RIPK4: variants seen among roughly 807,000 people sequenced by gnomAD.
The protein encoded by RIPK4 is receptor interacting serine/threonine kinase 4, also known as receptor-interacting serine/threonine-protein kinase 4.
In RIPK4, 17 loss-of-function variants were observed where a neutral mutation model predicts 42.9. The ratio of observed to expected loss-of-function variants is 0.40; its 90% CI spans 0.27 to 0.59. The LOEUF is 0.59. Among genes scored for constraint, RIPK4 ranks in the 20% least tolerant of loss-of-function variants. The pLI, the probability that RIPK4 is intolerant of heterozygous loss-of-function variation, is 0.47. For synonymous variants in RIPK4, 498 were observed against 499.1 expected (o/e 1.00, Z 0.03); for missense variants, 897 against 1,104.4 (o/e 0.81, Z 2.66).
At position 41,740,051 on chromosome 21, in the gene RIPK4, A is replaced by C. The variant is rs897936730; in HGVS notation, c.*787T>G. On this transcript the variant is annotated 3_prime_UTR_variant, in exon 8 of 8. Transcript: ENST00000332512. The stretch of plus-strand genomic sequence containing the variant: ...GAGGTTACAAAGGGAGAATTTTTTA[A>C]TGACTTAGGCCTGTGGCTCTAGAGT... 4.9e-5 allele frequency: 6 copies of C among 123,286 alleles called. No homozygotes were observed. Among genetic ancestry groups the C allele is most frequent in the African/African-American group, 1.6e-4 (6 of 37,606 alleles). The allele number at this position is 123,286 out of a possible 1,614,324, so 7.6% of individuals were successfully genotyped here. A position where few individuals can be genotyped will look rare whatever the true frequency, so the allele number is the denominator to read the frequency against.
rs370433302 is a variant in RIPK4 at position 41,741,581 on chromosome 21, G to C, written c.1612C>G (p.Arg538Gly). 36 of 1,611,710 alleles carry C rather than the reference G, an allele frequency of 2.2e-5. No individual in the cohort carries two copies. Among genetic ancestry groups the C allele is most frequent in the Non-Finnish European group, 3.1e-5 (36 of 1,180,028 alleles). Residue 538 changes from arginine to glycine, a missense_variant, in exon 8 of 8, where the codon CGG becomes GGG. Transcript: ENST00000332512. ...TGGCAGGCCACGTGCATGGGCGTCC[G>C]GCCCTCAAAGTCCACCTCGTTGACC... Reference protein sequence around the residue: ...ASVNEVDFEGRTPMHVACQHG... With the variant: ...ASVNEVDFEGGTPMHVACQHG...
intron 5 of RIPK4, 104 bp downstream of exon 5, chr21:41,746,509 C>T (rs1271171148): frequency 5.1e-5 from 71 of 1,379,974 alleles, no homozygotes; most frequent in East Asian, 4.9e-4. Context: ...ACCTGTTACA[C>T]GCCTTGTTTC....
At chr21:41,754,800 C>T (rs1335862714) in intron 2 of RIPK4, among the ~76,000 whole-genome samples, 2 of 152,112 alleles carry the variant, frequency 1.3e-5, no homozygotes, top group African/African-American at 2.4e-5. Context: ...GTGACTGCTA[C>T]GTGCAGTGGT....
At chr21:41,744,558 C>T (rs910994237) in intron 6 of RIPK4, among the ~76,000 whole-genome samples, 3 of 152,256 alleles carry the variant, frequency 2.0e-5, no homozygotes, top group Admixed American at 6.5e-5. Flanking sequence ...AATCCAGCCT[C>T]ATGCAGCTCT....
intron 1 of RIPK4, among the ~76,000 whole-genome samples, chr21:41,763,646 G>C (rs1438707265): frequency 1.3e-5 from 2 of 152,212 alleles, no homozygotes; most frequent in African/African-American, 2.4e-5. Context: ...CTCTCAGCGA[G>C]GCCTTCTGCA....
intron 4 of RIPK4, among the ~76,000 whole-genome samples, chr21:41,748,166 G>A (rs994142270): frequency 1.4e-4 from 21 of 152,326 alleles, no homozygotes; most frequent in African/African-American, 4.3e-4. Flanking sequence ...CTGGCAGGAC[G>A]CGTTCTGTGC....
intron 3 of RIPK4, among the ~76,000 whole-genome samples, chr21:41,750,172 G>C (rs943936777): frequency 6.6e-6 from 1 of 152,216 alleles, no homozygotes; most frequent in Non-Finnish European, 1.5e-5. Context: ...TGTCAAACCA[G>C]TCAGCCTGGG....
intron 3 of RIPK4, among the ~76,000 whole-genome samples, chr21:41,750,595 C>T (rs146266481): frequency 9.1e-4 from 138 of 152,288 alleles, no homozygotes; most frequent in African/African-American, 3.2e-3. Context: ...TGGGAACACC[C>T]TTCCTCCTTG....
chr21:41,740,505 G>T lies in RIPK4; in HGVS notation c.*333C>A, dbSNP rs1262823347. The T allele has an allele frequency of 1.9e-5, 6 of 313,624 alleles. No homozygotes were observed. In the East Asian group the frequency reaches 3.6e-4, roughly 19 times the overall value. The allele number at this position is 313,624 out of a possible 1,614,324, so 19.4% of individuals were successfully genotyped here. ...CAACCCAAGGTGGCTCGCCTCAGGA[G>T]AGAGTGGATGCTTCCACGCCTGGGG... On this transcript the variant is annotated 3_prime_UTR_variant, in exon 8 of 8. Transcript: ENST00000332512.
Position 41,742,104 on chromosome 21 carries a change from C to T in RIPK4, c.1196-107G>A. ...TCAGGTGGAGGAGTGCCATGGCCTC[C>T]AGGCTGCTCGCTGGTCACCCGACTG... is the stretch of plus-strand genomic sequence containing the variant. On this transcript the variant is annotated intron_variant, in intron 7 of 7. Transcript: ENST00000332512. This position sits in a 1 kb window ranked among gnomAD's most constrained non-coding sequence, Gnocchi z 5.1. 1 of 994,040 alleles carries T rather than the reference C, an allele frequency of 1.0e-6. No homozygotes were observed. The highest frequency in any genetic ancestry group is 1.5e-6 in the Non-Finnish European group (1 of 670,118). 61.6% of individuals were successfully genotyped at this position (994,040 alleles called of 1,614,324 possible).
At position 41,739,855 on chromosome 21, in the gene RIPK4, C is replaced by T. The variant is rs3171532; in HGVS notation, c.*983G>A. ...TAACAAAAATGAGAGCTGGGAAGGG[C>T]GCAGGTGAGCAGTGCATCTACCTAG... On this transcript the variant is annotated 3_prime_UTR_variant, in exon 8 of 8. Transcript: ENST00000332512. 0.37 allele frequency: 56,595 copies of T among 152,162 alleles called. 11,107 individuals are homozygous for T. Among genetic ancestry groups the T allele is most frequent in the East Asian group, 0.61 (3,159 of 5,166 alleles). The allele number at this position is 152,162 out of a possible 1,614,324, so 9.4% of individuals were successfully genotyped here. A position where few individuals can be genotyped will look rare whatever the true frequency, so the allele number is the denominator to read the frequency against.
intron 1 of RIPK4, among the ~76,000 whole-genome samples, chr21:41,766,430 C>G (rs1206419887): frequency 6.6e-6 from 1 of 152,252 alleles, no homozygotes; most frequent in Non-Finnish European, 1.5e-5. Flanking sequence ...GCGCAGACCG[C>G]AGCGCCCCGG....
chr21:41,741,275 G>A lies in RIPK4; in HGVS notation c.1918C>T (p.Pro640Ser). Residue 640 changes from proline to serine, a missense_variant, in exon 8 of 8, where the codon CCC becomes TCC. Coordinates refer to ENST00000332512, the MANE Select transcript of RIPK4 (RefSeq NM_020639.3). ...VNVCSLLAQT[P>S]LHVAAETGHT... is the part of the protein sequence containing the mutation. ...CCCGTCTCCGCGGCCACGTGCAGGG[G>A]TGTCTGTGCCAGCAGGCTGCAGACG... is the stretch of plus-strand genomic sequence containing the variant. The A allele has an allele frequency of 6.2e-7, 1 of 1,608,396 alleles. No homozygotes were observed. The highest frequency in any genetic ancestry group is 8.5e-7 in the Non-Finnish European group (1 of 1,179,674).
Position 41,767,008 on chromosome 21 carries a change from C to T in RIPK4, c.34G>A (p.Ala12Thr), listed in dbSNP as rs745930711. The change falls in exon 1 of 8, where the codon GCG becomes ACG. Residue 12 changes from alanine (A) to threonine (T), a missense_variant. Coordinates refer to ENST00000332512, the MANE Select transcript of RIPK4 (RefSeq NM_020639.3). The surrounding 1 kb of genome is among the most constrained non-coding windows in gnomAD (Gnocchi z 4.0). ...CCCGCGTCGAAGGTGCGCAGCAGCG[C>T]CAGGGCCCATGGGGTCCCGCCGTCG... Reference protein sequence around the residue: ...EGDGGTPWALALLRTFDAGEF... With the variant: ...EGDGGTPWALTLLRTFDAGEF... 6 of 1,595,620 alleles carry T rather than the reference C, an allele frequency of 3.8e-6. No homozygotes were observed. Among genetic ancestry groups the T allele is most frequent in the Non-Finnish European group, 5.1e-6 (6 of 1,173,022 alleles).
chr21:41,743,854 C>T (rs1238116926), intron 7 of RIPK4, 28 bp downstream of exon 7: 1 of 1,557,416 alleles, frequency 6.4e-7, no homozygotes, highest in South Asian at 1.2e-5. Flanking sequence ...CCCAGCATCT[C>T]TCGGGACACA....
At chr21:41,743,323 A>G (rs2061160275) in intron 7 of RIPK4, among the ~76,000 whole-genome samples, 1 of 152,256 alleles carries the variant, frequency 6.6e-6, no homozygotes, top group South Asian at 2.1e-4. Flanking sequence ...AACAAAAGCC[A>G]TCAAAATTAA....
chr21:41,748,609 G>A (rs1170728703), intron 4 of RIPK4, among the ~76,000 whole-genome samples: 1 of 152,208 alleles, frequency 6.6e-6, no homozygotes, highest in East Asian at 1.9e-4. Context: ...TAATGCTCCT[G>A]AACTGTATGC....
At chr21:41,763,024 G>A (rs927078287) in intron 1 of RIPK4, among the ~76,000 whole-genome samples, 11 of 152,162 alleles carry the variant, frequency 7.2e-5, no homozygotes, top group African/African-American at 2.2e-4. Flanking sequence ...CAGTTCAGAG[G>A]GGGTGGCATC....
rs948487152 is a variant in RIPK4, at chr21:41,751,298, A to G, written c.475-53T>C. On this transcript the variant is annotated intron_variant, in intron 2 of 7. Coordinates refer to ENST00000332512, the MANE Select transcript of RIPK4 (RefSeq NM_020639.3). This position sits in a 1 kb window ranked among gnomAD's most constrained non-coding sequence, Gnocchi z 4.5. ...CATTAGCCTGCAACAGTGATATTTT[A>G]TGATGCTTTATCAAAAGCTCCCTTC... 5.0e-6 allele frequency: 8 copies of G among 1,597,878 alleles called. No individual in the cohort carries two copies. In the African/African-American group the frequency reaches 1.1e-4, roughly 21 times the overall value.
Sources: gnomAD v4.1 joint callset for allele counts (sites outside exome capture counted in the v4.1 genomes callset) on GRCh38, gnomAD v4.1.1 for gene constraint, Gnocchi (gnomAD v3.1) non-coding constraint, MANE v1.5 for transcripts, NCBI Gene and HGNC (gene_info 2026-07-23, HGNC 2026-07-21) for gene names.